Variants in PIK3R6 observed in about 807,000 individuals in gnomAD.
PIK3R6 encodes phosphoinositide 3-kinase regulatory subunit 6.
In PIK3R6, 91 loss-of-function variants were observed where a neutral mutation model predicts 84.9. The ratio of observed to expected loss-of-function variants is 1.07; its 90% CI spans 0.90 to 1.28. The LOEUF is 1.28. Ranked by LOEUF, PIK3R6 falls within the 50% of genes most tolerant of loss-of-function variation. The pLI is 0.00. For synonymous variants in PIK3R6, 416 were observed against 411.4 expected, an observed-to-expected ratio of 1.01 and a Z score of -0.13; for missense variants, 996 against 985.1, an observed-to-expected ratio of 1.01 and a Z score of -0.15.
At chr17:8,838,472 T>A in intron 4 of PIK3R6, 92 bp downstream of exon 4, 1 of 1,077,028 alleles carries the variant, frequency 9.3e-7, no homozygotes, top group Non-Finnish European at 1.4e-6. Context: ...CCAAAGCTTA[T>A]GAGATATAGC....
At position 8,839,656 on chromosome 17, in the gene PIK3R6, G is replaced by A. The variant is rs764096210; in HGVS notation, c.55C>T (p.Arg19Trp). The A allele has an allele frequency of 5.0e-5, 79 of 1,580,678 alleles. No individual in the cohort carries two copies. In the Middle Eastern group the frequency reaches 6.7e-4, roughly 13 times the overall value. ...DLQRSVQAVLRELSTQAPALQ... is the reference protein window; with the variant it reads ...DLQRSVQAVLWELSTQAPALQ... ...GCAGGGGCCTGGGTGCTGAGCTCCC[G>A]GAGCACAGCCTGCACGCTCCTCTGG... Residue 19 changes from arginine to tryptophan, a missense_variant, in exon 3 of 20, where the codon CGG becomes TGG. Physicochemically the swap from Arg to Trp is moderately radical, Grantham distance 101. Coordinates refer to ENST00000619866, the MANE Select transcript of PIK3R6 (RefSeq NM_001010855.4). The surrounding 1 kb of genome is among the most constrained non-coding windows in gnomAD (Gnocchi z 4.2).
At chr17:8,832,748 G>GC (rs1024995562) in intron 9 of PIK3R6, 141 bp downstream of exon 9, 6 of 1,282,884 alleles carry the variant, frequency 4.7e-6, no homozygotes, top group Non-Finnish European at 6.5e-6. Context: ...CCCCCAGGCT[G>GC]CCCCCAGTCC....
chr17:8,849,646 G>T (rs2088894229), intron 2 of PIK3R6, 136 bp downstream of exon 2: 3 of 980,378 alleles, frequency 3.1e-6, no homozygotes, highest in Non-Finnish European at 4.2e-6. Flanking sequence ...ATTTAGGCAG[G>T]ATCCCTGAAT....
intron 1 of PIK3R6, among the ~76,000 whole-genome samples, chr17:8,857,783 C>T (rs1156753837): frequency 6.6e-6 from 1 of 151,902 alleles, no homozygotes; most frequent in Non-Finnish European, 1.5e-5. Context: ...GCCAGTAATC[C>T]CAGCTACTTG....
rs1224246481 is a variant in PIK3R6, at chr17:8,832,983, C to T, written c.708G>A (p.Met236Ile). ...FHAVVAALEQ[M>I]ASEASPSREG... ...CCCGGCTCGGGCTGGCCTCGCTGGC[C>T]ATCTGCTCCAAGGCGGCCACCACGG... Residue 236 changes from methionine to isoleucine, a missense_variant, in exon 9 of 20, where the codon ATG becomes ATA. Met to Ile is a conservative substitution (Grantham distance 10). Coordinates refer to ENST00000619866, the MANE Select transcript of PIK3R6 (RefSeq NM_001010855.4). 1.2e-6 allele frequency: 2 copies of T among 1,611,834 alleles called. No individual in the cohort carries two copies. The highest frequency in any genetic ancestry group is 1.7e-6 in the Non-Finnish European group (2 of 1,179,616).
chr17:8,836,822 C>T lies in PIK3R6; in HGVS notation c.360G>A (p.Ala120=), dbSNP rs150237469. The change falls in exon 6 of 20, where the codon GCG becomes GCA. Residue 120 remains alanine (A), a synonymous_variant. Coordinates refer to ENST00000619866, the MANE Select transcript of PIK3R6 (RefSeq NM_001010855.4). ...CAGCCATCTCCGTTTTCAGCCTTAT[C>T]GCGCAGTCCAAGGCGACTGTGCAGT... ...TPYCTVALDC[A]IRLKTEMAVP... The T allele has an allele frequency of 0.015, 24,551 of 1,603,702 alleles. 238 individuals carry two copies. The highest frequency in any genetic ancestry group is 0.019 in the Non-Finnish European group (21,927 of 1,174,958).
chr17:8,829,344 A>G (rs1397984747), intron 10 of PIK3R6, among the ~76,000 whole-genome samples: 4 of 142,312 alleles, frequency 2.8e-5, no homozygotes, highest in Non-Finnish European at 6.2e-5. Context: ...GCAAGCACAC[A>G]CAGACACACT....
At position 8,842,077 on chromosome 17, in the gene PIK3R6, G is replaced by C. The variant is rs2151283284; in HGVS notation, c.14-2380C>G. On this transcript the variant is annotated intron_variant, in intron 2 of 19. Coordinates refer to ENST00000619866, the MANE Select transcript of PIK3R6 (RefSeq NM_001010855.4). The surrounding 1 kb of genome is among the most constrained non-coding windows in gnomAD (Gnocchi z 4.5). ...CTCAGCATGTGATCTGTACACACTG[G>C]CTCCCCTTCCACCAGGAGTGGAAGT... is the stretch of plus-strand genomic sequence containing the variant. Among the ~76,000 whole-genome samples, 1 of 152,076 alleles carries C rather than the reference G, an allele frequency of 6.6e-6. No individual in the cohort carries two copies. Among genetic ancestry groups the C allele is most frequent in the South Asian group, 2.1e-4 (1 of 4,822 alleles).
chr17:8,866,150 C>T (rs1455480651), intron 1 of PIK3R6, among the ~76,000 whole-genome samples: 3 of 152,098 alleles, frequency 2.0e-5, no homozygotes, highest in Non-Finnish European at 4.4e-5. Context: ...CTCAGTTTCC[C>T]TATCTTAAAG....
At chr17:8,804,753 G>A (rs1324990828) in intron 18 of PIK3R6, among the ~76,000 whole-genome samples, 4 of 152,130 alleles carry the variant, frequency 2.6e-5, no homozygotes, top group Non-Finnish European at 4.4e-5. Flanking sequence ...GGTTCCAGGT[G>A]GAGCTTTCAG....
intron 4 of PIK3R6, among the ~76,000 whole-genome samples, chr17:8,838,084 C>T (rs900545877): frequency 6.6e-6 from 1 of 151,948 alleles, no homozygotes; most frequent in African/African-American, 2.4e-5. Flanking sequence ...CGTGGGGGGG[C>T]CTCAGAGAAC....
Position 8,858,261 on chromosome 17 carries a change from T to G in PIK3R6, c.-91-8376A>C, listed in dbSNP as rs147044855. Among the ~76,000 whole-genome samples, 183 of 151,786 alleles carry G rather than the reference T, an allele frequency of 1.2e-3. No individual in the cohort carries two copies. In the East Asian group the frequency reaches 0.026, roughly 21 times the overall value. ...AGAAGAATTTTTTAGGAAATAAAGC[T>G]TGCCCTTTCAAGCACCAAACCATGC... On this transcript the variant is annotated intron_variant, in intron 1 of 19. Transcript: ENST00000619866.
At chr17:8,846,492 G>A (rs545287934) in intron 2 of PIK3R6, among the ~76,000 whole-genome samples, 10 of 152,150 alleles carry the variant, frequency 6.6e-5, no homozygotes, top group Non-Finnish European at 1.2e-4. Context: ...TTCTAGTTCT[G>A]TGAAAAATGA....
In PIK3R6 at chr17:8,814,215, C is replaced by CTTTTTTTTTTTTTTTTTTTTTT. The variant is rs112750429; in HGVS notation, c.1995+4846_1995+4867dup. ...TCCACTCTTTAGTTCAGAGAGAGAT[C>CTTTTTTTTTTTTTTTTTTTTTT]TTTTTTTTTTTTTTTTTTTTTTGAG... On this transcript the variant is annotated intron_variant, in intron 18 of 19. Coordinates refer to ENST00000619866, the MANE Select transcript of PIK3R6 (RefSeq NM_001010855.4). Among the ~76,000 whole-genome samples, 7 of 85,520 alleles carry CTTTTTTTTTTTTTTTTTTTTTT rather than the reference C, an allele frequency of 8.2e-5. 2 individuals are homozygous for CTTTTTTTTTTTTTTTTTTTTTT. The highest frequency in any genetic ancestry group is 3.3e-4 in the Admixed American group (2 of 6,094). The allele number at this position is 85,520 out of a possible 152,430, so 56.1% of individuals were successfully genotyped here.
chr17:8,829,054 A>T, intron 10 of PIK3R6, 64 bp from the exon 11 acceptor site: 1 of 1,419,882 alleles, frequency 7.0e-7, no homozygotes, highest in East Asian at 2.5e-5. Flanking sequence ...TTCTGATTTC[A>T]GCCAGTCCTC....
intron 10 of PIK3R6, among the ~76,000 whole-genome samples, chr17:8,829,299 C>CACAG (rs3884450): frequency 0.4 from 59,513 of 148,188 alleles, 11,983 homozygotes; most frequent in East Asian, 0.52. Flanking sequence ...CATGCATACA[C>CACAG]ACACACTGAC....
intron 18 of PIK3R6, among the ~76,000 whole-genome samples, chr17:8,805,232 T>A (rs1400209152): frequency 6.6e-6 from 1 of 152,236 alleles, no homozygotes; most frequent in Non-Finnish European, 1.5e-5. Flanking sequence ...TAAGCATGTT[T>A]CTTAATCTCT....
intron 17 of PIK3R6, among the ~76,000 whole-genome samples, chr17:8,819,897 T>C (rs1357294971): frequency 1.4e-5 from 2 of 143,702 alleles, no homozygotes; most frequent in Non-Finnish European, 3.0e-5. Context: ...CACGTATATA[T>C]GTGTATACAT....
chr17:8,862,879 C>T lies in PIK3R6; in HGVS notation c.-92+4650G>A, dbSNP rs1166826991. Reference sequence around the variant, plus strand: ...CTGGGAGATGTCCTGTGGTCACTCCCCACCCACTGTGCCCACTCACTTACA... The same window carrying T: ...CTGGGAGATGTCCTGTGGTCACTCCTCACCCACTGTGCCCACTCACTTACA... On this transcript the variant is annotated intron_variant, in intron 1 of 19. Coordinates refer to ENST00000619866, the MANE Select transcript of PIK3R6 (RefSeq NM_001010855.4). This position sits in a 1 kb window ranked among gnomAD's most constrained non-coding sequence, Gnocchi z 4.3. Among the ~76,000 whole-genome samples the T allele has an allele frequency of 6.6e-6, 1 of 152,198 alleles. No homozygotes were observed. Among genetic ancestry groups the T allele is most frequent in the East Asian group, 1.9e-4 (1 of 5,196 alleles).
Sources: allele counts gnomAD v4.1 joint callset (sites outside exome capture counted in the v4.1 genomes callset), GRCh38; gene constraint gnomAD v4.1.1; non-coding constraint Gnocchi (gnomAD v3.1); transcripts MANE v1.5; gene names NCBI Gene and HGNC (gene_info 2026-07-23, HGNC 2026-07-21).